Variants in ELOA observed in about 807,000 individuals in gnomAD.
ELOA encodes elongin-A.
ELOA carries 15 observed loss-of-function variants against 85.2 expected under a neutral mutation model. The observed-to-expected ratio is 0.18, with a 90% CI of 0.12 to 0.27. The LOEUF (loss-of-function observed/expected upper bound fraction) is 0.27, where lower values mean the gene tolerates loss of function less well. ELOA is among the 10% of genes least tolerant of loss of function. ELOA has a pLI of 1.00. For missense variants in ELOA, 769 were observed against 952.7 expected (o/e 0.81, Z 2.54); for synonymous variants, 348 against 357.2 (o/e 0.97, Z 0.29).
At position 23,759,815 on chromosome 1, in the gene ELOA, T is replaced by C; in HGVS notation, c.*242T>C. On this transcript the variant is annotated 3_prime_UTR_variant, in exon 11 of 11. Coordinates refer to ENST00000613537, the MANE Select transcript of ELOA (RefSeq NM_003198.3). ...TCTGTCTCACTGAGGATTTTAAAGGTCAATTATACTTTTGTTGTTCATTAG... is the reference window on the plus strand; with the variant it reads ...TCTGTCTCACTGAGGATTTTAAAGGCCAATTATACTTTTGTTGTTCATTAG... 1.9e-6 allele frequency: 1 copy of C among 523,856 alleles called. No individual in the cohort carries two copies. Among genetic ancestry groups the C allele is most frequent in the South Asian group, 2.5e-5 (1 of 39,704 alleles). The allele number at this position is 523,856 out of a possible 1,614,324, so 32.5% of individuals were successfully genotyped here.
intron 5 of ELOA, among the ~76,000 whole-genome samples, chr1:23,753,841 G>C (rs1644783195): frequency 6.6e-6 from 1 of 152,122 alleles, no homozygotes; most frequent in Non-Finnish European, 1.5e-5. Context: ...CAATTCCTCT[G>C]CCTCAGCCTC....
chr1:23,760,949 T>A lies in ELOA; in HGVS notation c.*1376T>A, dbSNP rs928778424. On this transcript the variant is annotated 3_prime_UTR_variant, in exon 11 of 11. Transcript: ENST00000613537. ...AGGTAGATGCCATACATTTGAGATA[T>A]GCGTCCTTAAGGAACCTGACAAGCA... The A allele has an allele frequency of 6.6e-6, 1 of 152,134 alleles. No individual in the cohort carries two copies. Among genetic ancestry groups the A allele is most frequent in the Non-Finnish European group, 1.5e-5 (1 of 68,034 alleles). The allele number at this position is 152,134 out of a possible 1,614,324, so 9.4% of individuals were successfully genotyped here. A position where few individuals can be genotyped will look rare whatever the true frequency, so the allele number is the denominator to read the frequency against.
chr1:23,755,641 G>A (rs952885117), intron 7 of ELOA, among the ~76,000 whole-genome samples: 2 of 152,020 alleles, frequency 1.3e-5, no homozygotes, highest in African/African-American at 2.4e-5. Context: ...ATAGCTGGGC[G>A]TGGTGGTAAG....
At position 23,754,353 on chromosome 1, in the gene ELOA, T is replaced by C. The variant is rs1426349737; in HGVS notation, c.1694-10T>C. The C allele has an allele frequency of 1.2e-6, 2 of 1,614,118 alleles. No homozygotes were observed. The highest frequency in any genetic ancestry group is 1.7e-6 in the Non-Finnish European group (2 of 1,180,038). On this transcript the variant is annotated splice_polypyrimidine_tract_variant and intron_variant, in intron 6 of 10. Transcript: ENST00000613537. ...GCTACTCAGTGTCTTCACCTTTGGT[T>C]TCTCTGCAGCAATCTTTGAAGTGGG...
intron 3 of ELOA, among the ~76,000 whole-genome samples, chr1:23,750,181 T>C (rs917674051): frequency 6.9e-5 from 9 of 130,430 alleles, no homozygotes; most frequent in Admixed American, 6.8e-4. Flanking sequence ...TTTTTTTTTT[T>C]TTTTTTTTTT....
chr1:23,750,447 T>C (rs1644764848), intron 3 of ELOA, among the ~76,000 whole-genome samples: 1 of 152,196 alleles, frequency 6.6e-6, no homozygotes, highest in Non-Finnish European at 1.5e-5. Flanking sequence ...CCCAAAGTGC[T>C]GGGATTACAG....
intron 5 of ELOA, among the ~76,000 whole-genome samples, chr1:23,753,655 A>T (rs1308926802): frequency 1.3e-5 from 2 of 152,208 alleles, no homozygotes; most frequent in Admixed American, 6.5e-5. Context: ...AGATGTGGCA[A>T]ATGAAAAAAA....
rs918004628 is a variant in ELOA, at chr1:23,761,891, G to C, written c.*2318G>C. The C allele has an allele frequency of 2.0e-5, 3 of 152,214 alleles. No homozygotes were observed. The highest frequency in any genetic ancestry group is 2.0e-4 in the Admixed American group (3 of 15,286). 9.4% of individuals were successfully genotyped at this position (152,214 alleles called of 1,614,324 possible). A position where few individuals can be genotyped will look rare whatever the true frequency, so the allele number is the denominator to read the frequency against. On this transcript the variant is annotated 3_prime_UTR_variant, in exon 11 of 11. Transcript: ENST00000613537. ...TTGGGGCTTTTTCTTTCTGGGAAGC[G>C]GGAGGGAAAGGAGCAAGGTGTCATC...
At chr1:23,749,333 T>G (rs28367484) in intron 2 of ELOA, among the ~76,000 whole-genome samples, 1 of 152,258 alleles carries the variant, frequency 6.6e-6, no homozygotes, top group African/African-American at 2.4e-5. Context: ...GTAAATGTTC[T>G]GGAATTAGAT....
chr1:23,747,744 T>C (rs1437457242), intron 1 of ELOA, among the ~76,000 whole-genome samples: 4 of 152,360 alleles, frequency 2.6e-5, no homozygotes, highest in Middle Eastern at 3.4e-3. Context: ...GATATGCCAC[T>C]TGGCCTCTTA....
Position 23,756,988 on chromosome 1 carries a change from A to G in ELOA, c.2120A>G (p.His707Arg), listed in dbSNP as rs150218376. 7.6e-6 allele frequency: 12 copies of G among 1,586,288 alleles called. No individual in the cohort carries two copies. The African/African-American group carries it at 1.4e-4, about 18-fold the overall frequency. Reference sequence around the variant, plus strand: ...GCCCCGTACCCCATGGGAAGCAGCCATGCTTCCGCCAGTAGCATCAGCTTT... The same window carrying G: ...GCCCCGTACCCCATGGGAAGCAGCCGTGCTTCCGCCAGTAGCATCAGCTTT... The part of the protein sequence containing the change: ...KPAPYPMGSS[H>R]ASASSISFNP... Residue 707 changes from histidine to arginine, a missense_variant, in exon 10 of 11, where the codon CAT becomes CGT. Transcript: ENST00000613537.
intron 3 of ELOA, 125 bp downstream of exon 3, chr1:23,750,073 T>C (rs1644762207): frequency 2.9e-6 from 2 of 697,648 alleles, no homozygotes; most frequent in Admixed American, 3.2e-5. Context: ...AAATAATCCA[T>C]GATCATTGTA....
Position 23,761,177 on chromosome 1 carries a change from CTAT to C in ELOA, c.*1605_*1607del, listed in dbSNP as rs1557458126. The C allele has an allele frequency of 6.6e-6, 1 of 152,118 alleles. No homozygotes were observed. Among genetic ancestry groups the C allele is most frequent in the Non-Finnish European group, 1.5e-5 (1 of 68,034 alleles). The allele number at this position is 152,118 out of a possible 1,614,324, so 9.4% of individuals were successfully genotyped here. ...CTATTGTGACAGGACACAAATGTTA[CTAT>C]GTTTTAATTTGCTATATTTTTGAAT... On this transcript the variant is annotated 3_prime_UTR_variant, in exon 11 of 11. Coordinates refer to ENST00000613537, the MANE Select transcript of ELOA (RefSeq NM_003198.3).
Position 23,751,723 on chromosome 1 carries a change from A to T in ELOA, c.1118A>T (p.Glu373Val). ...GGTTCTAACAACCTAAAGACTCCAGAAGGGAAAGTCAAAACTAATTTGGAT... is the reference window on the plus strand; with the variant it reads ...GGTTCTAACAACCTAAAGACTCCAGTAGGGAAAGTCAAAACTAATTTGGAT... ...EKGSNNLKTP[E>V]GKVKTNLDRK... The change falls in exon 4 of 11, where the codon GAA (glutamate) becomes GTA (valine). Residue 373 changes from glutamate (E) to valine (V), a missense_variant. Around this residue, in one of 4 missense-constraint regions of ELOA, gnomAD observed 440 missense variants for 474.0 expected, o/e 0.93. Coordinates refer to ENST00000613537, the MANE Select transcript of ELOA (RefSeq NM_003198.3). 6.2e-7 allele frequency: 1 copy of T among 1,614,200 alleles called. No homozygotes were observed. Among genetic ancestry groups the T allele is most frequent in the Non-Finnish European group, 8.5e-7 (1 of 1,180,042 alleles).
In ELOA at chr1:23,759,630, G is replaced by T; in HGVS notation, c.*57G>T. 1 of 1,587,456 alleles carries T rather than the reference G, an allele frequency of 6.3e-7. No homozygotes were observed. Among genetic ancestry groups the T allele is most frequent in the Admixed American group, 1.7e-5 (1 of 59,960 alleles). On this transcript the variant is annotated 3_prime_UTR_variant, in exon 11 of 11. Coordinates refer to ENST00000613537, the MANE Select transcript of ELOA (RefSeq NM_003198.3). The stretch of plus-strand genomic sequence containing the variant: ...GGAGGCAGGAATACAAGGACAGTGG[G>T]GGTTGGGGAATGGAATTCTACAGGA...
intron 1 of ELOA, among the ~76,000 whole-genome samples, chr1:23,747,396 C>T (rs1466634961): frequency 2.6e-5 from 4 of 152,160 alleles, no homozygotes; most frequent in African/African-American, 4.8e-5. Context: ...GTTGCAATAT[C>T]TGTCAAATGG....
Position 23,759,816 on chromosome 1 carries a change from C to G in ELOA, c.*243C>G. The G allele has an allele frequency of 1.9e-6, 1 of 515,580 alleles. No homozygotes were observed. The highest frequency in any genetic ancestry group is 3.5e-6 in the Non-Finnish European group (1 of 288,800). The allele number at this position is 515,580 out of a possible 1,614,324, so 31.9% of individuals were successfully genotyped here. ...CTGTCTCACTGAGGATTTTAAAGGT[C>G]AATTATACTTTTGTTGTTCATTAGC... is the stretch of plus-strand genomic sequence containing the variant. On this transcript the variant is annotated 3_prime_UTR_variant, in exon 11 of 11. Coordinates refer to ENST00000613537, the MANE Select transcript of ELOA (RefSeq NM_003198.3).
At chr1:23,759,372 C>A in intron 10 of ELOA, 140 bp from the exon 11 acceptor site, 1 of 774,378 alleles carries the variant, frequency 1.3e-6, no homozygotes, top group Non-Finnish European at 2.2e-6. Context: ...GCATTGTGAA[C>A]AGAGGAGATA....
chr1:23,743,691 G>C, intron 1 of ELOA, 113 bp downstream of exon 1: 2 of 1,254,408 alleles, frequency 1.6e-6, no homozygotes, highest in Non-Finnish European at 2.1e-6. Context: ...GCCAGGCCCC[G>C]CGGGGCTGGG....
Sources: gnomAD v4.1 joint callset for allele counts (sites outside exome capture counted in the v4.1 genomes callset) on GRCh38, gnomAD v4.1.1 for gene constraint, gnomAD v4.1.1 regional missense constraint, MANE v1.5 for transcripts, NCBI Gene and HGNC (gene_info 2026-07-23, HGNC 2026-07-21) for gene names.